Variants in CCDC190 observed in about 807,000 individuals in gnomAD.
CCDC190 encodes coiled-coil domain containing 190.
In CCDC190, 10 loss-of-function variants were observed where a neutral mutation model predicts 13.1. The observed-to-expected ratio is 0.77, with a 90% CI of 0.47 to 1.30. The LOEUF (loss-of-function observed/expected upper bound fraction) is 1.30, where lower values mean the gene tolerates loss of function less well. CCDC190 is among the 50% of genes most tolerant of loss of function. CCDC190 has a pLI of 0.00. For missense variants in CCDC190, 375 were observed against 354.3 expected, an observed-to-expected ratio of 1.06 and a Z score of -0.47; for synonymous variants, 136 against 127.2, an observed-to-expected ratio of 1.07 and a Z score of -0.47.
intron 2 of CCDC190, 92 bp from the exon 3 acceptor site, chr1:162,855,847 A>T (rs574028601): frequency 4.3e-6 from 5 of 1,172,872 alleles, no homozygotes; most frequent in South Asian, 1.6e-5. Flanking sequence ...TTAGGGTGGG[A>T]CCTTATTTGG....
upstream of CCDC190, among the ~76,000 whole-genome samples, chr1:162,864,651 A>G (rs1387388648): frequency 6.6e-6 from 1 of 152,114 alleles, no homozygotes; most frequent in African/African-American, 2.4e-5. Context: ...CTTATAATAT[A>G]TTTGCAGCAT....
chr1:162,854,557 A>G lies in CCDC190; in HGVS notation c.*208T>C. ...TAAACATATCACTTAAAATATTTTC[A>G]GAAGATTCATTCTTCCTCTCCTTTT... is the stretch of plus-strand genomic sequence containing the variant. On this transcript the variant is annotated 3_prime_UTR_variant, in exon 4 of 4. Coordinates refer to ENST00000367912, the MANE Select transcript of CCDC190 (RefSeq NM_001394065.1). 1 of 1,352,416 alleles carries G rather than the reference A, an allele frequency of 7.4e-7. No individual in the cohort carries two copies. Among genetic ancestry groups the G allele is most frequent in the Non-Finnish European group, 9.5e-7 (1 of 1,054,940 alleles). 83.8% of individuals were successfully genotyped at this position (1,352,416 alleles called of 1,614,324 possible).
rs907296147 is a variant in CCDC190, at chr1:162,854,067, C to A, written c.*698G>T. The A allele has an allele frequency of 5.6e-5, 14 of 247,866 alleles. No homozygotes were observed. The highest frequency in any genetic ancestry group is 7.0e-5 in the African/African-American group (3 of 43,038). 15.4% of individuals were successfully genotyped at this position (247,866 alleles called of 1,614,324 possible). ...AGTACCTCTCATTTTACAGTGAAAT[C>A]ATTTTGATAGAGTCTGCTATGCATT... On this transcript the variant is annotated 3_prime_UTR_variant, in exon 4 of 4. Coordinates refer to ENST00000367912, the MANE Select transcript of CCDC190 (RefSeq NM_001394065.1).
At chr1:162,861,904 G>T (rs769601759), upstream of CCDC190, among the ~76,000 whole-genome samples, 3 of 152,048 alleles carry the variant, frequency 2.0e-5, no homozygotes, top group Admixed American at 1.3e-4. Context: ...GAGGCAGGCA[G>T]CTAAACAGGC....
chr1:162,863,263 G>A (rs1330016975), upstream of CCDC190, among the ~76,000 whole-genome samples: 1 of 152,174 alleles, frequency 6.6e-6, no homozygotes, highest in Non-Finnish European at 1.5e-5. Context: ...CAAAGAATCT[G>A]TCATTTATAG....
chr1:162,863,633 C>G (rs1047098473), upstream of CCDC190, among the ~76,000 whole-genome samples: 3 of 152,150 alleles, frequency 2.0e-5, no homozygotes, highest in African/African-American at 7.2e-5. Flanking sequence ...AAGAATTGAG[C>G]AACGAGGCAG....
Position 162,852,796 on chromosome 1 carries a change from G to A in CCDC190, c.*1969C>T, listed in dbSNP as rs577823790. 3 of 252,124 alleles carry A rather than the reference G, an allele frequency of 1.2e-5. No individual in the cohort carries two copies. Among genetic ancestry groups the A allele is most frequent in the African/African-American group, 2.2e-5 (1 of 45,200 alleles). 15.6% of individuals were successfully genotyped at this position (252,124 alleles called of 1,614,324 possible). On this transcript the variant is annotated 3_prime_UTR_variant, in exon 4 of 4. Coordinates refer to ENST00000367912, the MANE Select transcript of CCDC190 (RefSeq NM_001394065.1). ...TCCTGCCTTGTGATGGCCCCTTCCC[G>A]CTGTGAGAGCTAGTACAGTGAAAAG...
At chr1:162,856,169 G>A (rs1650294751) in intron 2 of CCDC190, among the ~76,000 whole-genome samples, 1 of 152,096 alleles carries the variant, frequency 6.6e-6, no homozygotes, top group African/African-American at 2.4e-5. Context: ...CTTTGTTATG[G>A]CAGCCCTAGA....
intron 1 of CCDC190, among the ~76,000 whole-genome samples, chr1:162,868,437 A>G (rs918552168): frequency 6.6e-6 from 1 of 152,220 alleles, no homozygotes; most frequent in South Asian, 2.1e-4. Flanking sequence ...CATGTTGTCA[A>G]TTGTGAATTT....
chr1:162,857,622 C>A (rs191947521), intron 2 of CCDC190, among the ~76,000 whole-genome samples: 46 of 152,252 alleles, frequency 3.0e-4, no homozygotes, highest in Admixed American at 3.0e-3. Flanking sequence ...AACTTCCCGC[C>A]CTTTCCCCCA....
At chr1:162,863,736 T>G (rs1650603603), upstream of CCDC190, among the ~76,000 whole-genome samples, 1 of 152,072 alleles carries the variant, frequency 6.6e-6, no homozygotes, top group Non-Finnish European at 1.5e-5. Context: ...AGAAACTCAA[T>G]GAGGCCGGGC....
rs1427691110 is a variant in CCDC190 at position 162,853,210 on chromosome 1, T to G, written c.*1555A>C. The G allele has an allele frequency of 6.8e-7, 1 of 1,463,784 alleles. No homozygotes were observed. The highest frequency in any genetic ancestry group is 2.1e-5 in the Admixed American group (1 of 47,592). The allele number at this position is 1,463,784 out of a possible 1,614,324, so 90.7% of individuals were successfully genotyped here. A position where few individuals can be genotyped will look rare whatever the true frequency, so the allele number is the denominator to read the frequency against. Reference sequence around the variant, plus strand: ...TTTGATCTAAGTTTTTGTCTTCAGATAGGTGGTAGTGTGGTGTAATGAAAG... The same window carrying G: ...TTTGATCTAAGTTTTTGTCTTCAGAGAGGTGGTAGTGTGGTGTAATGAAAG... On this transcript the variant is annotated 3_prime_UTR_variant, in exon 4 of 4. Transcript: ENST00000367912.
chr1:162,866,037 A>G (rs982534212), upstream of CCDC190, among the ~76,000 whole-genome samples: 2 of 152,270 alleles, frequency 1.3e-5, no homozygotes, highest in Non-Finnish European at 2.9e-5. Flanking sequence ...ATATATCAAT[A>G]TACAAAATAT....
rs1650174400 is a variant in CCDC190 at position 162,853,241 on chromosome 1, G to A, written c.*1524C>T. 8.6e-7 allele frequency: 1 copy of A among 1,159,100 alleles called. No homozygotes were observed. The highest frequency in any genetic ancestry group is 1.6e-5 in the African/African-American group (1 of 64,306). 71.8% of individuals were successfully genotyped at this position (1,159,100 alleles called of 1,614,324 possible). A position where few individuals can be genotyped will look rare whatever the true frequency, so the allele number is the denominator to read the frequency against. ...GTAGTGTGGTGTAATGAAAGAGCAT[G>A]AGCAAGGAAATTGAGTAGAAGAGAG... is the stretch of plus-strand genomic sequence containing the variant. On this transcript the variant is annotated 3_prime_UTR_variant, in exon 4 of 4. Transcript: ENST00000367912.
Position 162,854,985 on chromosome 1 carries a change from T to G in CCDC190, c.686A>C (p.His229Pro), listed in dbSNP as rs369842895. ...GNTGKQIPPK[H>P]MECAGSFEGE... Reference sequence around the variant, plus strand: ...TTCGAAGCTTCCTGCACATTCCATGTGTTTTGGGGGAATTTGTTTTCCAGT... The same window carrying G: ...TTCGAAGCTTCCTGCACATTCCATGGGTTTTGGGGGAATTTGTTTTCCAGT... The change falls in exon 4 of 4, where the codon CAC becomes CCC. Residue 229 changes from histidine (H) to proline (P), a missense_variant. By Grantham distance (77) the His-to-Pro change is moderately conservative (BLOSUM62 -2). Transcript: ENST00000367912. 5 of 1,613,860 alleles carry G rather than the reference T, an allele frequency of 3.1e-6. No individual in the cohort carries two copies. The highest frequency in any genetic ancestry group is 4.2e-6 in the Non-Finnish European group (5 of 1,179,886).
upstream of CCDC190, among the ~76,000 whole-genome samples, chr1:162,862,989 G>T (rs77571696): frequency 0.017 from 2,528 of 151,632 alleles, 75 homozygotes; most frequent in African/African-American, 0.057. Flanking sequence ...GGCAAGAAAT[G>T]TGTAGAATTT....
At chr1:162,861,224 T>C (rs768192659), upstream of CCDC190, among the ~76,000 whole-genome samples, 4 of 152,184 alleles carry the variant, frequency 2.6e-5, no homozygotes, top group Admixed American at 6.5e-5. Flanking sequence ...TCAGGAATGC[T>C]AGCTCCTTGG....
chr1:162,866,128 A>T (rs138811737), upstream of CCDC190, among the ~76,000 whole-genome samples: 25 of 152,344 alleles, frequency 1.6e-4, no homozygotes, highest in East Asian at 4.4e-3. Flanking sequence ...ACATTTAATA[A>T]AATATAGAAC....
chr1:162,857,885 G>A (rs1395458359), intron 2 of CCDC190, among the ~76,000 whole-genome samples: 1 of 152,050 alleles, frequency 6.6e-6, no homozygotes, highest in African/African-American at 2.4e-5. Flanking sequence ...TGCAAAGTCT[G>A]GTCTGAAATA....
Sources: gnomAD v4.1 joint callset for allele counts (sites outside exome capture counted in the v4.1 genomes callset) on GRCh38, gnomAD v4.1.1 for gene constraint, MANE v1.5 for transcripts, NCBI Gene and HGNC (gene_info 2026-07-23, HGNC 2026-07-21) for gene names.